PCSK6: variants seen among roughly 807,000 people sequenced by gnomAD.
PCSK6 encodes the protein proprotein convertase subtilisin/kexin type 6, also known as paired basic amino acid cleaving enzyme 4.
Under a neutral mutation model 123.3 loss-of-function variants are expected in PCSK6, and 85 were observed. The observed-to-expected ratio is 0.69, with a 90% CI of 0.58 to 0.83. The LOEUF (loss-of-function observed/expected upper bound fraction) is 0.83. Among genes scored for constraint, PCSK6 ranks in the 40% least tolerant of loss-of-function variants. The pLI, the probability that PCSK6 is intolerant of heterozygous loss-of-function variation, is 0.00. For missense variants in PCSK6, 1,191 were observed against 1,282.3 expected, an observed-to-expected ratio of 0.93 and a Z score of 1.09; for synonymous variants, 508 against 516.0, an observed-to-expected ratio of 0.98 and a Z score of 0.21.
At chr15:101,336,873 G>C (rs1023501777) in intron 13 of PCSK6, 22 of 152,248 alleles carry the variant, frequency 1.4e-4, no homozygotes, top group African/African-American at 5.3e-4. Flanking sequence ...CAGGGAAGAA[G>C]CAGTGGGACC....
intron 6 of PCSK6, among the ~76,000 whole-genome samples, chr15:101,405,721 C>G (rs2042754611): frequency 6.6e-6 from 1 of 151,400 alleles, no homozygotes; most frequent in Non-Finnish European, 1.5e-5. Context: ...TCCGTAGTGA[C>G]CTGTCTTTCC....
chr15:101,409,454 G>A (rs1320438156), intron 6 of PCSK6, among the ~76,000 whole-genome samples: 3 of 152,022 alleles, frequency 2.0e-5, no homozygotes, highest in African/African-American at 7.2e-5. Context: ...GCGCGGTGGC[G>A]GGCGCCTGTA....
chr15:101,447,730 C>T (rs1397791094), intron 1 of PCSK6, among the ~76,000 whole-genome samples: 6 of 152,282 alleles, frequency 3.9e-5, no homozygotes, highest in Admixed American at 1.3e-4. Context: ...GCAGCCTGGA[C>T]GTCCTGGGTG....
intron 13 of PCSK6, among the ~76,000 whole-genome samples, chr15:101,355,019 T>G (rs2040999475): frequency 6.6e-6 from 1 of 152,260 alleles, no homozygotes; most frequent in Non-Finnish European, 1.5e-5. Context: ...ATCATCATCC[T>G]ATTCCTCTCT....
chr15:101,456,439 C>T (rs967435009), intron 1 of PCSK6, among the ~76,000 whole-genome samples: 5 of 152,202 alleles, frequency 3.3e-5, no homozygotes, highest in Admixed American at 1.3e-4. Flanking sequence ...TCTCCAGAGG[C>T]GTCTGTCCAT....
intron 7 of PCSK6, among the ~76,000 whole-genome samples, chr15:101,396,682 C>A (rs1261262554): frequency 6.6e-6 from 1 of 151,994 alleles, no homozygotes; most frequent in Non-Finnish European, 1.5e-5. Flanking sequence ...CCCGAGTGTG[C>A]CAGCACTCAC....
intron 19 of PCSK6, among the ~76,000 whole-genome samples, chr15:101,317,338 C>T (rs2040014601): frequency 6.6e-6 from 1 of 152,166 alleles, no homozygotes; most frequent in East Asian, 1.9e-4. Context: ...CATATCCGAG[C>T]CCACAGACTG....
intron 13 of PCSK6, among the ~76,000 whole-genome samples, chr15:101,332,408 G>A (rs144461938): frequency 1.3e-3 from 199 of 152,286 alleles, no homozygotes; most frequent in African/African-American, 4.6e-3. Context: ...CCACCTTCCC[G>A]TCTTGGGATA....
At chr15:101,355,683 C>T (rs1213669515) in intron 13 of PCSK6, among the ~76,000 whole-genome samples, 1 of 152,242 alleles carries the variant, frequency 6.6e-6, no homozygotes, top group Non-Finnish European at 1.5e-5. Context: ...GCTGACAAAG[C>T]CAAGCTCGAT....
At chr15:101,423,727 G>A (rs2056160116) in intron 6 of PCSK6, among the ~76,000 whole-genome samples, 1 of 151,904 alleles carries the variant, frequency 6.6e-6, no homozygotes, top group Non-Finnish European at 1.5e-5. Flanking sequence ...AACTATAACT[G>A]TGCCCACAGA....
intron 19 of PCSK6, among the ~76,000 whole-genome samples, chr15:101,317,021 C>T (rs1223783706): frequency 6.8e-6 from 1 of 146,428 alleles, no homozygotes; most frequent in African/African-American, 2.6e-5. Flanking sequence ...AAGCAATTTT[C>T]ATGTCTCAAC....
At chr15:101,382,255 G>T in intron 10 of PCSK6, 46 bp from the exon 11 acceptor site, 1 of 1,427,728 alleles carries the variant, frequency 7.0e-7, no homozygotes. Flanking sequence ...GCCTCTCCCA[G>T]GAAGGGAGCA....
intron 1 of PCSK6, among the ~76,000 whole-genome samples, chr15:101,460,344 C>T (rs1226806261): frequency 6.6e-6 from 1 of 152,166 alleles, no homozygotes; most frequent in Non-Finnish European, 1.5e-5. Context: ...CTTCCTTCAC[C>T]AGTATTATGC....
intron 1 of PCSK6, 38 bp downstream of exon 1, chr15:101,489,336 C>T (rs1373137035): frequency 4.5e-6 from 5 of 1,110,304 alleles, no homozygotes; most frequent in South Asian, 6.0e-5. Flanking sequence ...CGGAGGCCGC[C>T]GGGAAAGTTT....
intron 1 of PCSK6, among the ~76,000 whole-genome samples, chr15:101,447,975 C>T (rs1340864444): frequency 6.6e-6 from 1 of 152,250 alleles, no homozygotes; most frequent in African/African-American, 2.4e-5. Flanking sequence ...GGCTGCGTCC[C>T]AGTCCTGCTC....
At chr15:101,471,355 A>C (rs894778857) in intron 1 of PCSK6, among the ~76,000 whole-genome samples, 3 of 111,460 alleles carry the variant, frequency 2.7e-5, no homozygotes, top group African/African-American at 7.1e-5. Flanking sequence ...GTCCACAAAA[A>C]TACCTTTCTC....
At chr15:101,482,749 T>C (rs1423775547) in intron 1 of PCSK6, among the ~76,000 whole-genome samples, 1 of 152,158 alleles carries the variant, frequency 6.6e-6, no homozygotes, top group Non-Finnish European at 1.5e-5. Context: ...GCCTTTCTAA[T>C]GGTCCAGTCA....
intron 18 of PCSK6, among the ~76,000 whole-genome samples, chr15:101,320,231 G>A (rs1194462649): frequency 1.3e-5 from 2 of 152,060 alleles, no homozygotes; most frequent in African/African-American, 4.8e-5. Flanking sequence ...GATTACAGGC[G>A]TGCACCACCA....
chr15:101,489,268 C>T, intron 1 of PCSK6, 106 bp downstream of exon 1: 1 of 724,034 alleles, frequency 1.4e-6, no homozygotes, highest in Non-Finnish European at 1.7e-6. Context: ...CCTTCCCACG[C>T]GCGCGCGGGG....
Sources: gnomAD v4.1 joint callset for allele counts (sites outside exome capture counted in the v4.1 genomes callset) on GRCh38, gnomAD v4.1.1 for gene constraint, MANE v1.5 for transcripts, NCBI Gene and HGNC (gene_info 2026-07-23, HGNC 2026-07-21) for gene names.